The following CNTNAP5 variants were observed in gnomAD, a reference collection of about 807,000 sequenced individuals.
CNTNAP5 encodes the protein contactin-associated protein-like 5.
CNTNAP5 carries 72 observed loss-of-function variants against 150.2 expected under a neutral mutation model. That is an observed-to-expected ratio of 0.48 (90% CI 0.40 to 0.58). The LOEUF (loss-of-function observed/expected upper bound fraction) is 0.58, where lower values mean the gene tolerates loss of function less well. Ranked by LOEUF, CNTNAP5 falls within the 20% of genes least tolerant of loss-of-function variation. The pLI, the probability that CNTNAP5 is intolerant of heterozygous loss-of-function variation, is 0.00. For missense variants in CNTNAP5, 1,636 were observed against 1,626.2 expected (o/e 1.01, Z -0.10); for synonymous variants, 672 against 619.8 (o/e 1.08, Z -1.25).
chr2:124,237,918 T>G (rs1686793047), intron 2 of CNTNAP5, among the ~76,000 whole-genome samples: 1 of 152,132 alleles, frequency 6.6e-6, no homozygotes, highest in Admixed American at 6.5e-5. Flanking sequence ...CTTGCTTTCT[T>G]AAGATGTTGG....
intron 4 of CNTNAP5, among the ~76,000 whole-genome samples, chr2:124,421,613 C>A (rs1692105472): frequency 1.3e-5 from 2 of 152,190 alleles, no homozygotes; most frequent in South Asian, 2.1e-4. Flanking sequence ...ACTACACTCA[C>A]CCCAAAACCA....
At chr2:124,735,053 G>C (rs910723774) in intron 13 of CNTNAP5, among the ~76,000 whole-genome samples, 5 of 152,130 alleles carry the variant, frequency 3.3e-5, no homozygotes, top group African/African-American at 4.8e-5. Context: ...ATTAATGTAT[G>C]GCTGTGTGAT....
At chr2:124,029,235 A>G (rs561741221) in intron 1 of CNTNAP5, among the ~76,000 whole-genome samples, 1 of 152,228 alleles carries the variant, frequency 6.6e-6, no homozygotes, top group African/African-American at 2.4e-5. Context: ...TCAAATAAGG[A>G]GATGAACTAT....
At chr2:124,033,479 C>A (rs1681119166) in intron 1 of CNTNAP5, among the ~76,000 whole-genome samples, 1 of 152,126 alleles carries the variant, frequency 6.6e-6, no homozygotes. Flanking sequence ...TCTTCTCTTC[C>A]CCATTCCTTT....
At chr2:124,246,875 C>G (rs1573864631) in intron 3 of CNTNAP5, among the ~76,000 whole-genome samples, 1 of 152,074 alleles carries the variant, frequency 6.6e-6, no homozygotes, top group Non-Finnish European at 1.5e-5. Context: ...GCAGTTTTCT[C>G]TTATTAAAAT....
At position 124,588,482 on chromosome 2, in the gene CNTNAP5, T is replaced by C. The variant is rs187065550; in HGVS notation, c.1757-21319T>C. 1.9e-3 allele frequency among the ~76,000 whole-genome samples: 282 copies of C among 152,150 alleles called. 1 individual carries two copies. The highest frequency in any genetic ancestry group is 6.5e-3 in the African/African-American group (268 of 41,496). On this transcript the variant is annotated intron_variant, in intron 11 of 23. Transcript: ENST00000682447. ...GAACCAATACTTTAGAAGGTGTGTG[T>C]GCCCACTGAGAAGGTTCAAGCCTTG...
At chr2:124,031,085 G>C (rs1681035503) in intron 1 of CNTNAP5, among the ~76,000 whole-genome samples, 1 of 56,372 alleles carries the variant, frequency 1.8e-5, no homozygotes, top group African/African-American at 7.1e-5. Flanking sequence ...CTGCCTGCTT[G>C]GTCTAGAATA....
chr2:124,342,074 A>T (rs1290436499), intron 3 of CNTNAP5, among the ~76,000 whole-genome samples: 1 of 152,174 alleles, frequency 6.6e-6, no homozygotes, highest in Non-Finnish European at 1.5e-5. Context: ...GCAGGGTTAG[A>T]ACCGAAAAAT....
chr2:124,748,675 G>A (rs908563840), intron 14 of CNTNAP5, among the ~76,000 whole-genome samples: 1 of 152,082 alleles, frequency 6.6e-6, no homozygotes, highest in African/African-American at 2.4e-5. Context: ...AAAATATAAA[G>A]TTAAGTCAAA....
intron 5 of CNTNAP5, among the ~76,000 whole-genome samples, chr2:124,443,907 A>C (rs1485844738): frequency 6.6e-6 from 1 of 150,482 alleles, no homozygotes; most frequent in African/African-American, 2.5e-5. Context: ...ATTATTAATA[A>C]ATTTTTGTTC....
intron 6 of CNTNAP5, among the ~76,000 whole-genome samples, chr2:124,467,650 A>G (rs1278105439): frequency 1.3e-5 from 2 of 152,202 alleles, no homozygotes; most frequent in South Asian, 2.1e-4. Context: ...GAAAAACATC[A>G]TTATATGAAG....
At position 124,915,968 on chromosome 2, in the gene CNTNAP5, A is replaced by C. The variant is rs1424704677; in HGVS notation, c.*1680A>C. ...TTTAGAAAACAATGACCACAGCTCT[A>C]TTTGCCATCCTTGACAGTTAGCAGA... On this transcript the variant is annotated 3_prime_UTR_variant, in exon 24 of 24. Transcript: ENST00000682447. Among the ~76,000 whole-genome samples, 1 of 152,046 alleles carries C rather than the reference A, an allele frequency of 6.6e-6. No homozygotes were observed. The highest frequency in any genetic ancestry group is 1.5e-5 in the Non-Finnish European group (1 of 67,972).
intron 14 of CNTNAP5, among the ~76,000 whole-genome samples, chr2:124,761,496 C>T (rs2104597885): frequency 6.6e-6 from 1 of 152,178 alleles, no homozygotes; most frequent in Non-Finnish European, 1.5e-5. Flanking sequence ...AAGATTCTAG[C>T]CTGGCTCTTT....
chr2:124,560,590 C>T (rs116387301), intron 10 of CNTNAP5, among the ~76,000 whole-genome samples: 2,462 of 149,174 alleles, frequency 0.017, 66 homozygotes, highest in African/African-American at 0.057. Flanking sequence ...ATTCTTCTTT[C>T]TTACCCAAAG....
intron 3 of CNTNAP5, among the ~76,000 whole-genome samples, chr2:124,323,119 A>C (rs1689138147): frequency 6.6e-6 from 1 of 152,194 alleles, no homozygotes; most frequent in Non-Finnish European, 1.5e-5. Flanking sequence ...TAATTTGGTA[A>C]GTTTATGATG....
intron 19 of CNTNAP5, among the ~76,000 whole-genome samples, chr2:124,811,323 G>A (rs1005234471): frequency 1.1e-4 from 17 of 152,146 alleles, no homozygotes; most frequent in African/African-American, 1.7e-4. Flanking sequence ...GGAGGAAGGC[G>A]AGAGGGTGGG....
intron 19 of CNTNAP5, among the ~76,000 whole-genome samples, chr2:124,856,235 G>T (rs1372294982): frequency 1.3e-5 from 2 of 152,110 alleles, no homozygotes; most frequent in Non-Finnish European, 2.9e-5. Flanking sequence ...TAATCTGCTA[G>T]TTGATTGATG....
rs138502440 is a variant in CNTNAP5, at chr2:124,750,913, G to A, written c.2234+3528G>A. Among the ~76,000 whole-genome samples, 654 of 149,024 alleles carry A rather than the reference G, an allele frequency of 4.4e-3. 5 individuals are homozygous for A. The highest frequency in any genetic ancestry group is 0.015 in the African/African-American group (615 of 40,454). Reference sequence around the variant, plus strand: ...GCAGAAGAATCACTTGAACCCAGAAGGTGGAGGTTGCAGTGAGCCGAGATC... The same window carrying A: ...GCAGAAGAATCACTTGAACCCAGAAAGTGGAGGTTGCAGTGAGCCGAGATC... On this transcript the variant is annotated intron_variant, in intron 14 of 23. Transcript: ENST00000682447.
chr2:124,198,796 T>G (rs749403458), intron 1 of CNTNAP5, among the ~76,000 whole-genome samples: 4 of 152,118 alleles, frequency 2.6e-5, no homozygotes, highest in Admixed American at 1.3e-4. Flanking sequence ...AATTAAACCT[T>G]TAGTCTATCT....
Sources: allele counts gnomAD v4.1 joint callset (sites outside exome capture counted in the v4.1 genomes callset), GRCh38; gene constraint gnomAD v4.1.1; transcripts MANE v1.5; gene names NCBI Gene and HGNC (gene_info 2026-07-23, HGNC 2026-07-21).